Variants in CRTAC1 observed in about 807,000 individuals in gnomAD.
CRTAC1 encodes the protein acidic secreted protein in cartilage.
In CRTAC1, 37 loss-of-function variants were observed where a neutral mutation model predicts 67.8. The observed-to-expected ratio is 0.55, with a 90% CI of 0.42 to 0.72. CRTAC1 has a LOEUF of 0.72. Among genes scored for constraint, CRTAC1 ranks in the 30% least tolerant of loss-of-function variants. The pLI is 0.00. For missense variants in CRTAC1, 780 were observed against 931.6 expected (o/e 0.84, Z 2.12); for synonymous variants, 348 against 371.0 (o/e 0.94, Z 0.71).
chr10:98,011,424 C>T lies in CRTAC1; in HGVS notation c.25-87G>A, dbSNP rs1294250901. 4 of 1,489,218 alleles carry T rather than the reference C, an allele frequency of 2.7e-6. No individual in the cohort carries two copies. In the East Asian group the frequency reaches 6.9e-5, roughly 26 times the overall value. 92.3% of individuals were successfully genotyped at this position (1,489,218 alleles called of 1,614,324 possible). On this transcript the variant is annotated intron_variant, in intron 1 of 14. Transcript: ENST00000370597. ...TAAAGTCCTGGGTAGGCCCAGAGTGCCTTTCTCTCCCATTCATGGAGAGCT... is the reference window on the plus strand; with the variant it reads ...TAAAGTCCTGGGTAGGCCCAGAGTGTCTTTCTCTCCCATTCATGGAGAGCT...
intron 2 of CRTAC1, among the ~76,000 whole-genome samples, chr10:97,998,680 C>G (rs1842631018): frequency 6.6e-6 from 1 of 151,006 alleles, no homozygotes; most frequent in Non-Finnish European, 1.5e-5. Context: ...TTCTGAGATG[C>G]AAGAAGGAAA....
At chr10:97,879,294 A>G (rs1590175430) in intron 14 of CRTAC1, among the ~76,000 whole-genome samples, 1 of 152,216 alleles carries the variant, frequency 6.6e-6, no homozygotes. Context: ...AGGCCAAACC[A>G]GCAGGCACAT....
chr10:98,017,184 A>G (rs1158499021), intron 1 of CRTAC1, among the ~76,000 whole-genome samples: 1 of 152,228 alleles, frequency 6.6e-6, no homozygotes, highest in East Asian at 1.9e-4. Flanking sequence ...TACACAGTAC[A>G]CAGTACTCCA....
At chr10:97,949,598 TG>T (rs1564908290) in intron 2 of CRTAC1, among the ~76,000 whole-genome samples, 1 of 152,050 alleles carries the variant, frequency 6.6e-6, no homozygotes, top group African/African-American at 2.4e-5. Context: ...GTGAGTTCTG[TG>T]GGGGTAGCAC....
chr10:98,005,098 A>ATTTTTTTTT (rs1347220699), intron 2 of CRTAC1, among the ~76,000 whole-genome samples: 14 of 38,196 alleles, frequency 3.7e-4, no homozygotes, highest in East Asian at 1.0e-3. Flanking sequence ...ATATATATAT[A>ATTTTTTTTT]TATTTTTTTT....
intron 4 of CRTAC1, among the ~76,000 whole-genome samples, chr10:97,921,035 G>A (rs572432036): frequency 7.2e-5 from 11 of 152,158 alleles, no homozygotes; most frequent in Non-Finnish European, 1.3e-4. Flanking sequence ...ATGGCAGAGT[G>A]GGGGCGGGGC....
intron 2 of CRTAC1, among the ~76,000 whole-genome samples, chr10:97,991,366 A>C (rs1041426928): frequency 2.0e-4 from 31 of 151,638 alleles, no homozygotes; most frequent in Admixed American, 6.6e-4. Flanking sequence ...TGAGCTGTGA[A>C]TGCACCACTG....
chr10:97,931,685 T>A (rs1020724316), intron 3 of CRTAC1, among the ~76,000 whole-genome samples: 2 of 152,242 alleles, frequency 1.3e-5, no homozygotes, highest in Admixed American at 6.5e-5. Flanking sequence ...TGGAACTGAA[T>A]GCATGAAAGT....
At chr10:98,026,333 T>C (rs1301487207) in intron 1 of CRTAC1, among the ~76,000 whole-genome samples, 1 of 152,162 alleles carries the variant, frequency 6.6e-6, no homozygotes, top group Non-Finnish European at 1.5e-5. Flanking sequence ...GGGTCAGCCA[T>C]CTGGTGGGGC....
chr10:97,965,660 G>T (rs1172354969), intron 2 of CRTAC1, among the ~76,000 whole-genome samples: 3 of 151,936 alleles, frequency 2.0e-5, no homozygotes, highest in African/African-American at 7.3e-5. Context: ...ACTCATGTGA[G>T]GTGGCTGCTC....
chr10:97,983,206 A>T (rs926634815), intron 2 of CRTAC1, among the ~76,000 whole-genome samples: 17 of 152,248 alleles, frequency 1.1e-4, no homozygotes, highest in Non-Finnish European at 2.9e-5. Flanking sequence ...TTACCAGGGA[A>T]GCCACAGAGA....
intron 2 of CRTAC1, among the ~76,000 whole-genome samples, chr10:98,002,158 A>G (rs895889113): frequency 2.0e-5 from 3 of 152,220 alleles, no homozygotes; most frequent in Non-Finnish European, 4.4e-5. Flanking sequence ...AGAGACTTCA[A>G]GGAAAGTGAT....
At chr10:97,970,540 G>A (rs1035461534) in intron 2 of CRTAC1, among the ~76,000 whole-genome samples, 2 of 152,144 alleles carry the variant, frequency 1.3e-5, no homozygotes, top group African/African-American at 2.4e-5. Flanking sequence ...GAAGGCTACC[G>A]TGTTCCTGCC....
intron 2 of CRTAC1, among the ~76,000 whole-genome samples, chr10:97,949,338 G>A (rs1309366465): frequency 2.6e-5 from 4 of 152,218 alleles, no homozygotes; most frequent in Non-Finnish European, 5.9e-5. Context: ...CCTGCACCAG[G>A]AGGGGAGCAA....
Position 97,895,312 on chromosome 10 carries a change from G to A in CRTAC1, c.1419C>T (p.His473=), listed in dbSNP as rs1199432813. Residue 473 remains histidine (H), a synonymous_variant, in exon 11 of 15, where the codon CAC becomes CAT. Coordinates refer to ENST00000370597, the MANE Select transcript of CRTAC1 (RefSeq NM_018058.7). This position sits in a 1 kb window ranked among gnomAD's most constrained non-coding sequence, Gnocchi z 4.2. ...CTGAGCCCCCGTCGATGATCCTCAG[G>A]TGGGCCCCACTCTTCTTGGTGTAGA... ...VVLYTKKSGA[H]LRIIDGGSGY... The A allele has an allele frequency of 6.2e-7, 1 of 1,613,734 alleles. No individual in the cohort carries two copies. Among genetic ancestry groups the A allele is most frequent in the African/African-American group, 1.3e-5 (1 of 74,900 alleles).
intron 2 of CRTAC1, among the ~76,000 whole-genome samples, chr10:98,004,669 A>C (rs1842750263): frequency 6.6e-6 from 1 of 152,156 alleles, no homozygotes; most frequent in African/African-American, 2.4e-5. Context: ...ACGTCACTTG[A>C]GGAATGGCAA....
chr10:97,869,470 G>A (rs1008145330), intron 14 of CRTAC1: 3 of 152,688 alleles, frequency 2.0e-5, no homozygotes, highest in African/African-American at 7.2e-5. Flanking sequence ...TGTCCCCGAG[G>A]TCCCAAGTGA....
chr10:97,963,822 T>C (rs192119542), intron 2 of CRTAC1, among the ~76,000 whole-genome samples: 1 of 152,118 alleles, frequency 6.6e-6, no homozygotes, highest in African/African-American at 2.4e-5. Context: ...CCCTGAGAGG[T>C]AGATGTAGGT....
chr10:97,891,989 C>A (rs918386408), intron 11 of CRTAC1, among the ~76,000 whole-genome samples: 1 of 152,174 alleles, frequency 6.6e-6, no homozygotes, highest in African/African-American at 2.4e-5. Context: ...GCCGGGAGGC[C>A]CCTTAGAGCA....
Sources: allele counts gnomAD v4.1 joint callset (sites outside exome capture counted in the v4.1 genomes callset), GRCh38; gene constraint gnomAD v4.1.1; non-coding constraint Gnocchi (gnomAD v3.1); transcripts MANE v1.5; gene names NCBI Gene and HGNC (gene_info 2026-07-23, HGNC 2026-07-21).